Variants in STXBP6 observed in about 807,000 individuals in gnomAD.
STXBP6 encodes syntaxin-binding protein 6.
A neutral mutation model predicts 26.9 loss-of-function variants in STXBP6; 21 were observed. That is an observed-to-expected ratio of 0.78 (90% CI 0.55 to 1.12). The LOEUF is 1.12. Among genes scored for constraint, STXBP6 ranks in the 50% most tolerant of loss-of-function variants. STXBP6 has a pLI of 0.00. For synonymous variants in STXBP6, 97 were observed against 92.6 expected (o/e 1.05, Z -0.27); for missense variants, 232 against 257.9 (o/e 0.90, Z 0.69).
chr14:24,843,176 A>C (rs1358780166), intron 4 of STXBP6, among the ~76,000 whole-genome samples: 1 of 152,194 alleles, frequency 6.6e-6, no homozygotes, highest in African/African-American at 2.4e-5. Flanking sequence ...AATAACGATA[A>C]CTACTTTTTG....
intron 5 of STXBP6, among the ~76,000 whole-genome samples, chr14:24,813,085 A>G (rs1444061553): frequency 6.6e-6 from 1 of 152,184 alleles, no homozygotes; most frequent in South Asian, 2.1e-4. Context: ...TGGGGTTCCC[A>G]GCTATTCAGG....
In STXBP6 at chr14:24,939,793, AT is replaced by A. The variant is rs551600831; in HGVS notation, c.154+34871del. Among the ~76,000 whole-genome samples the A allele has an allele frequency of 5.9e-5, 9 of 152,318 alleles. 1 individual carries two copies. The East Asian group carries it at 1.7e-3, about 29-fold the overall frequency. ...ATATAAGATTATTGAGTTATTTTACATTTTTTTAATACTGAGTTTTAAAAAT... is the reference window on the plus strand; with the variant it reads ...ATATAAGATTATTGAGTTATTTTACATTTTTTAATACTGAGTTTTAAAAAT... On this transcript the variant is annotated intron_variant, in intron 2 of 5. Transcript: ENST00000323944.
intron 2 of STXBP6, among the ~76,000 whole-genome samples, chr14:24,906,852 A>C (rs1301618363): frequency 6.6e-6 from 1 of 152,240 alleles, no homozygotes; most frequent in Non-Finnish European, 1.5e-5. Context: ...AAAAACAAAG[A>C]AAGCAGAAAC....
chr14:24,893,140 T>C (rs1160123549), intron 2 of STXBP6, among the ~76,000 whole-genome samples: 1 of 152,204 alleles, frequency 6.6e-6, no homozygotes, highest in Non-Finnish European at 1.5e-5. Context: ...ATAGTGACTG[T>C]CTAAAAATTA....
chr14:24,840,844 T>G (rs1485149263), intron 4 of STXBP6, among the ~76,000 whole-genome samples: 1 of 152,186 alleles, frequency 6.6e-6, no homozygotes, highest in African/African-American at 2.4e-5. Context: ...TAACTGCTTT[T>G]TTTTTTTTCC....
intron 1 of STXBP6, 75 bp from the exon 2 acceptor site, chr14:24,974,925 T>C (rs2074004833): frequency 1.0e-6 from 1 of 959,272 alleles, no homozygotes; most frequent in African/African-American, 1.7e-5. Flanking sequence ...CAGCAGCAAG[T>C]GAATTTGCAG....
intron 1 of STXBP6, among the ~76,000 whole-genome samples, chr14:24,985,396 C>A (rs555693476): frequency 6.6e-6 from 1 of 152,302 alleles, no homozygotes; most frequent in East Asian, 1.9e-4. Flanking sequence ...ATGAGCCTTG[C>A]AGGCTACTTT....
intron 2 of STXBP6, among the ~76,000 whole-genome samples, chr14:24,966,869 A>C (rs1214360154): frequency 6.6e-6 from 1 of 152,200 alleles, no homozygotes; most frequent in East Asian, 1.9e-4. Context: ...TTAACACCCC[A>C]GTTGTTGGTA....
At chr14:24,931,433 A>C (rs2072404453) in intron 2 of STXBP6, among the ~76,000 whole-genome samples, 1 of 152,144 alleles carries the variant, frequency 6.6e-6, no homozygotes, top group Non-Finnish European at 1.5e-5. Flanking sequence ...AAAAAAGCTA[A>C]ATGTTGAGAG....
intron 1 of STXBP6, chr14:25,010,438 C>T (rs1279155237): frequency 6.6e-6 from 1 of 152,166 alleles, no homozygotes; most frequent in African/African-American, 2.4e-5. Flanking sequence ...TTGCCTGAGG[C>T]TATTTTATAC....
intron 2 of STXBP6, among the ~76,000 whole-genome samples, chr14:24,900,390 C>G (rs1319690756): frequency 3.9e-5 from 6 of 152,182 alleles, no homozygotes; most frequent in Non-Finnish European, 1.5e-5. Flanking sequence ...CTCTGAACTA[C>G]AGGAAAGCAG....
intron 1 of STXBP6, among the ~76,000 whole-genome samples, chr14:25,030,664 A>G (rs1246918277): frequency 3.3e-5 from 5 of 152,144 alleles, no homozygotes; most frequent in Admixed American, 3.3e-4. Flanking sequence ...ATATCCACCT[A>G]AACACCAGGG....
In STXBP6 at chr14:25,049,686, G is replaced by A; in HGVS notation, c.-33+192C>T. ...CTGCGCGCACAAAGCAGCTGCGCCGGGGCGCGCGGCCCCCTCTCCCGCCAC... is the reference window on the plus strand; with the variant it reads ...CTGCGCGCACAAAGCAGCTGCGCCGAGGCGCGCGGCCCCCTCTCCCGCCAC... On this transcript the variant is annotated intron_variant, in intron 1 of 5. Transcript: ENST00000323944. This position sits in a 1 kb window ranked among gnomAD's most constrained non-coding sequence, Gnocchi z 5.6. The A allele has an allele frequency of 1.0e-6, 1 of 985,876 alleles. No homozygotes were observed. The highest frequency in any genetic ancestry group is 4.7e-5 in the South Asian group (1 of 21,290). The allele number at this position is 985,876 out of a possible 1,614,324, so 61.1% of individuals were successfully genotyped here. A position where few individuals can be genotyped will look rare whatever the true frequency, so the allele number is the denominator to read the frequency against.
Position 24,925,981 on chromosome 14 carries a change from G to C in STXBP6, c.154+48684C>G, listed in dbSNP as rs551110916. On this transcript the variant is annotated intron_variant, in intron 2 of 5. Coordinates refer to ENST00000323944, the MANE Select transcript of STXBP6 (RefSeq NM_001394410.1). Reference sequence around the variant, plus strand: ...TTTCCTAGAAAACTGGGAAGGGAAGGTGTTCCTGAGTGCATTGGATGTAAA... The same window carrying C: ...TTTCCTAGAAAACTGGGAAGGGAAGCTGTTCCTGAGTGCATTGGATGTAAA... Among the ~76,000 whole-genome samples, 6 of 152,270 alleles carry C rather than the reference G, an allele frequency of 3.9e-5. No homozygotes were observed. In the East Asian group the frequency reaches 9.6e-4, roughly 24 times the overall value.
intron 1 of STXBP6, among the ~76,000 whole-genome samples, chr14:25,048,189 A>G (rs941913588): frequency 6.6e-6 from 1 of 152,256 alleles, no homozygotes; most frequent in African/African-American, 2.4e-5. Flanking sequence ...AGCTCATTCA[A>G]AACAACTGAG....
chr14:24,940,690 C>G (rs1943047565), intron 2 of STXBP6, among the ~76,000 whole-genome samples: 2 of 152,160 alleles, frequency 1.3e-5, no homozygotes, highest in African/African-American at 2.4e-5. Context: ...CCACTCTACT[C>G]TACCTCAGCC....
At chr14:24,910,328 T>C (rs1029824118) in intron 2 of STXBP6, among the ~76,000 whole-genome samples, 19 of 152,234 alleles carry the variant, frequency 1.2e-4, no homozygotes, top group African/African-American at 4.6e-4. Context: ...ATTTGATGTA[T>C]TTGTCTCCTC....
chr14:24,841,551 T>C (rs905254913), intron 4 of STXBP6, among the ~76,000 whole-genome samples: 1 of 152,190 alleles, frequency 6.6e-6, no homozygotes, highest in African/African-American at 2.4e-5. Context: ...ATGAGATGAA[T>C]GGTAGAGCAT....
intron 1 of STXBP6, among the ~76,000 whole-genome samples, chr14:25,008,527 T>C (rs944679129): frequency 1.3e-5 from 2 of 152,170 alleles, no homozygotes; most frequent in African/African-American, 4.8e-5. Context: ...GATAAATTAC[T>C]TTAGGTTGTT....
Sources: allele counts gnomAD v4.1 joint callset (sites outside exome capture counted in the v4.1 genomes callset), GRCh38; gene constraint gnomAD v4.1.1; non-coding constraint Gnocchi (gnomAD v3.1); transcripts MANE v1.5; gene names NCBI Gene and HGNC (gene_info 2026-07-23, HGNC 2026-07-21).